The following CHST8 variants were observed in gnomAD, a reference collection of about 807,000 sequenced individuals.
CHST8 encodes the protein carbohydrate sulfotransferase 8.
Under a neutral mutation model 15.0 loss-of-function variants are expected in CHST8, and 10 were observed. The observed-to-expected ratio is 0.67, with a 90% CI of 0.41 to 1.13. The LOEUF (loss-of-function observed/expected upper bound fraction) is 1.13, where lower values mean the gene tolerates loss of function less well. Among genes scored for constraint, CHST8 ranks in the 50% most tolerant of loss-of-function variants. The probability of loss-of-function intolerance (pLI) is 0.00; values close to 1 mark genes in which losing one functional copy is unlikely to be tolerated. For synonymous variants in CHST8, 259 were observed against 256.6 expected, an observed-to-expected ratio of 1.01 and a Z score of -0.09; for missense variants, 634 against 608.2, an observed-to-expected ratio of 1.04 and a Z score of -0.45.
At chr19:33,663,203 A>G (rs1372393178) in intron 1 of CHST8, among the ~76,000 whole-genome samples, 1 of 152,196 alleles carries the variant, frequency 6.6e-6, no homozygotes, top group Non-Finnish European at 1.5e-5. Flanking sequence ...ACAGCTGGTT[A>G]TGGATGCTTC....
Position 33,631,857 on chromosome 19 carries a change from C to T in CHST8, c.-164+9561C>T, listed in dbSNP as rs534434064. Among the ~76,000 whole-genome samples, 124 of 152,284 alleles carry T rather than the reference C, an allele frequency of 8.1e-4. No homozygotes were observed. In the Middle Eastern group the frequency reaches 0.01, roughly 13 times the overall value. The stretch of plus-strand genomic sequence containing the variant: ...TGGGTTCAATCCTAGCCTTACCACT[C>T]GGTCACTGTGTGGGCTAGGGACCCA... On this transcript the variant is annotated intron_variant, in intron 1 of 4. Transcript: ENST00000650847.
At chr19:33,744,080 C>G (rs982285732) in intron 3 of CHST8, among the ~76,000 whole-genome samples, 3 of 152,214 alleles carry the variant, frequency 2.0e-5, no homozygotes, top group Non-Finnish European at 2.9e-5. Context: ...CATGAGCCCC[C>G]GTGCCCAGCC....
At chr19:33,735,768 A>C (rs1047902331) in intron 3 of CHST8, among the ~76,000 whole-genome samples, 1 of 152,246 alleles carries the variant, frequency 6.6e-6, no homozygotes, top group Non-Finnish European at 1.5e-5. Flanking sequence ...TAGAGGTTGC[A>C]GTGAGCCGAG....
intron 2 of CHST8, among the ~76,000 whole-genome samples, chr19:33,679,211 A>G (rs1972852760): frequency 1.3e-5 from 2 of 152,188 alleles, no homozygotes; most frequent in South Asian, 4.1e-4. Flanking sequence ...AGAAGTAAAT[A>G]TGCAATTTTT....
chr19:33,720,404 G>A (rs1057512012), intron 3 of CHST8, among the ~76,000 whole-genome samples: 21 of 147,342 alleles, frequency 1.4e-4, no homozygotes, highest in African/African-American at 3.3e-4. Flanking sequence ...CACACACCCC[G>A]CACACATGTA....
At chr19:33,733,536 A>G (rs1292087434) in intron 3 of CHST8, among the ~76,000 whole-genome samples, 1 of 152,190 alleles carries the variant, frequency 6.6e-6, no homozygotes, top group East Asian at 1.9e-4. Flanking sequence ...TGCCTGGCCC[A>G]GATATATTCT....
intron 3 of CHST8, among the ~76,000 whole-genome samples, chr19:33,690,997 G>C (rs1045942563): frequency 3.3e-5 from 5 of 152,216 alleles, no homozygotes; most frequent in Non-Finnish European, 7.3e-5. Flanking sequence ...GGAGGAGCCT[G>C]GGAGAGGAGG....
chr19:33,666,081 C>A (rs1379012615), intron 1 of CHST8, among the ~76,000 whole-genome samples: 2 of 152,220 alleles, frequency 1.3e-5, no homozygotes, highest in Non-Finnish European at 2.9e-5. Flanking sequence ...GAGAAAGAAG[C>A]AACGTTGGCT....
At chr19:33,638,627 A>G (rs780238759) in intron 1 of CHST8, among the ~76,000 whole-genome samples, 5 of 152,230 alleles carry the variant, frequency 3.3e-5, no homozygotes, top group African/African-American at 9.6e-5. Flanking sequence ...TGATATTTCA[A>G]TCACAATGTT....
intron 1 of CHST8, among the ~76,000 whole-genome samples, chr19:33,652,372 CT>C (rs971053736): frequency 0.013 from 1,302 of 100,554 alleles, 7 homozygotes; most frequent in African/African-American, 0.036. Context: ...TTTTCTCTCT[CT>C]TTTTTTTTTT....
chr19:33,687,442 G>A (rs1228511352), intron 2 of CHST8, among the ~76,000 whole-genome samples: 3 of 152,162 alleles, frequency 2.0e-5, no homozygotes, highest in African/African-American at 7.2e-5. Flanking sequence ...TTGTCTTTAG[G>A]GCAGAGGCCA....
chr19:33,733,371 T>C (rs1157060433), intron 3 of CHST8, among the ~76,000 whole-genome samples: 1 of 151,940 alleles, frequency 6.6e-6, no homozygotes, highest in Non-Finnish European at 1.5e-5. Flanking sequence ...GTAGCTAAGA[T>C]TACAGGCCCC....
chr19:33,648,992 C>T (rs1972396619), intron 1 of CHST8, among the ~76,000 whole-genome samples: 1 of 149,974 alleles, frequency 6.7e-6, no homozygotes, highest in Non-Finnish European at 1.5e-5. Flanking sequence ...CAAGCTCCAC[C>T]CCCCAGGTTC....
At chr19:33,641,106 C>T (rs1206583725) in intron 1 of CHST8, among the ~76,000 whole-genome samples, 1 of 152,208 alleles carries the variant, frequency 6.6e-6, no homozygotes, top group African/African-American at 2.4e-5. Flanking sequence ...GCACTGCTGT[C>T]GGCTTCTCTC....
At chr19:33,653,384 T>C (rs767690761) in intron 1 of CHST8, among the ~76,000 whole-genome samples, 30 of 152,202 alleles carry the variant, frequency 2.0e-4, no homozygotes, top group Non-Finnish European at 3.2e-4. Context: ...TCTCTCTGGT[T>C]ATTTTTGTGA....
At chr19:33,701,375 AAAT>A (rs1438771785) in intron 3 of CHST8, among the ~76,000 whole-genome samples, 1 of 152,178 alleles carries the variant, frequency 6.6e-6, no homozygotes, top group Non-Finnish European at 1.5e-5. Flanking sequence ...GCTAAATGAA[AAAT>A]AATGAGCATG....
intron 3 of CHST8, among the ~76,000 whole-genome samples, chr19:33,769,955 T>A (rs929132678): frequency 1.3e-5 from 2 of 152,164 alleles, no homozygotes; most frequent in Non-Finnish European, 2.9e-5. Context: ...CATTTCTGCC[T>A]CTCTTGGGAC....
At chr19:33,662,476 A>T (rs996060040) in intron 1 of CHST8, among the ~76,000 whole-genome samples, 2 of 152,164 alleles carry the variant, frequency 1.3e-5, no homozygotes, top group African/African-American at 4.8e-5. Flanking sequence ...TCTCACCTTG[A>T]TTGTCCTGGC....
At chr19:33,642,938 T>A (rs1472843306) in intron 1 of CHST8, among the ~76,000 whole-genome samples, 2 of 152,240 alleles carry the variant, frequency 1.3e-5, no homozygotes, top group East Asian at 3.8e-4. Context: ...TCTGTCTTGC[T>A]TTTGACACCT....
Sources: allele counts gnomAD v4.1 joint callset (sites outside exome capture counted in the v4.1 genomes callset), GRCh38; gene constraint gnomAD v4.1.1; transcripts MANE v1.5; gene names NCBI Gene and HGNC (gene_info 2026-07-23, HGNC 2026-07-21).